FHIP1A: variants seen among roughly 807,000 people sequenced by gnomAD.
FHIP1A encodes the protein FHF complex subunit HOOK-interacting protein 1A.
In FHIP1A, 61 loss-of-function variants were observed where a neutral mutation model predicts 88.6. The observed-to-expected ratio is 0.69, with a 90% CI of 0.56 to 0.85. FHIP1A has a LOEUF of 0.85. Among genes scored for constraint, FHIP1A ranks in the 40% least tolerant of loss-of-function variants. The pLI is 0.00. For missense variants in FHIP1A, 1,154 were observed against 1,273.5 expected (o/e 0.91, Z 1.43); for synonymous variants, 478 against 496.0 (o/e 0.96, Z 0.48).
At chr4:151,651,784 A>G (rs1006424220) in intron 11 of FHIP1A, among the ~76,000 whole-genome samples, 9 of 152,320 alleles carry the variant, frequency 5.9e-5, no homozygotes, top group Non-Finnish European at 7.3e-5. Flanking sequence ...TTATTCATCT[A>G]TTTACTGATG....
intron 1 of FHIP1A, among the ~76,000 whole-genome samples, chr4:151,444,948 C>T (rs1247253844): frequency 2.0e-5 from 3 of 152,120 alleles, no homozygotes; most frequent in Non-Finnish European, 2.9e-5. Flanking sequence ...ACTACTTATC[C>T]TCCAATTTAA....
At chr4:151,491,008 A>C (rs1362533126) in intron 3 of FHIP1A, among the ~76,000 whole-genome samples, 36 of 151,976 alleles carry the variant, frequency 2.4e-4, no homozygotes, top group Admixed American at 2.4e-3. Flanking sequence ...TTAAATGACC[A>C]AACATAATAA....
chr4:151,569,774 A>G (rs1456483139), intron 4 of FHIP1A, among the ~76,000 whole-genome samples: 1 of 152,166 alleles, frequency 6.6e-6, no homozygotes, highest in East Asian at 1.9e-4. Context: ...AGAGGCAGCT[A>G]GTTATACAAC....
intron 11 of FHIP1A, among the ~76,000 whole-genome samples, chr4:151,654,580 G>A (rs554315822): frequency 6.6e-6 from 1 of 152,292 alleles, no homozygotes; most frequent in African/African-American, 2.4e-5. Flanking sequence ...GGACTGCGGG[G>A]GAGCAGGTGA....
At chr4:151,456,352 G>A (rs186210675) in intron 2 of FHIP1A, among the ~76,000 whole-genome samples, 2 of 152,178 alleles carry the variant, frequency 1.3e-5, no homozygotes, top group East Asian at 1.9e-4. Flanking sequence ...CAGGGCCAGC[G>A]GGTGGTGGAA....
intron 7 of FHIP1A, among the ~76,000 whole-genome samples, chr4:151,622,310 G>A (rs985823740): frequency 6.6e-6 from 1 of 152,162 alleles, no homozygotes; most frequent in African/African-American, 2.4e-5. Context: ...ATTACAGCAG[G>A]TGGAATCTCC....
chr4:151,415,194 TG>T (rs377236425), intron 1 of FHIP1A, among the ~76,000 whole-genome samples: 2 of 151,708 alleles, frequency 1.3e-5, no homozygotes, highest in African/African-American at 4.9e-5. Context: ...TTTTTTTTTT[TG>T]TTTTTTTTTG....
intron 7 of FHIP1A, among the ~76,000 whole-genome samples, chr4:151,617,614 G>A (rs775364131): frequency 6.6e-6 from 1 of 152,166 alleles, no homozygotes; most frequent in African/African-American, 2.4e-5. Context: ...GGCCAGGCGC[G>A]GTGGCTCATG....
At chr4:151,639,609 C>A (rs1736493449) in intron 9 of FHIP1A, among the ~76,000 whole-genome samples, 1 of 152,172 alleles carries the variant, frequency 6.6e-6, no homozygotes, top group South Asian at 2.1e-4. Flanking sequence ...AACCCAGATC[C>A]TGAATCTTGG....
intron 2 of FHIP1A, among the ~76,000 whole-genome samples, chr4:151,479,177 G>A (rs568656281): frequency 1.3e-5 from 2 of 152,212 alleles, no homozygotes; most frequent in Admixed American, 6.5e-5. Context: ...TTGAGGAATT[G>A]TGAGCTTAAT....
intron 11 of FHIP1A, among the ~76,000 whole-genome samples, chr4:151,653,382 C>A (rs1039254225): frequency 6.6e-6 from 1 of 151,974 alleles, no homozygotes; most frequent in Non-Finnish European, 1.5e-5. Context: ...CTCTCTCCCC[C>A]TCCCTCTCCC....
intron 7 of FHIP1A, among the ~76,000 whole-genome samples, chr4:151,625,347 C>A (rs985866669): frequency 1.3e-5 from 2 of 152,098 alleles, no homozygotes; most frequent in Non-Finnish European, 2.9e-5. Flanking sequence ...TGCCTGACCC[C>A]ACTGCCTGCC....
At chr4:151,646,974 C>T (rs936136546) in intron 10 of FHIP1A, among the ~76,000 whole-genome samples, 4 of 152,114 alleles carry the variant, frequency 2.6e-5, no homozygotes, top group African/African-American at 9.7e-5. Context: ...CTTTATTTTA[C>T]GTAGACTTTC....
intron 2 of FHIP1A, among the ~76,000 whole-genome samples, chr4:151,472,755 C>T (rs1729569367): frequency 6.6e-6 from 1 of 151,894 alleles, no homozygotes. Flanking sequence ...ATTCAAAAGG[C>T]AGAAATATAA....
intron 7 of FHIP1A, among the ~76,000 whole-genome samples, chr4:151,609,101 C>A (rs1311454750): frequency 6.6e-6 from 1 of 152,098 alleles, no homozygotes; most frequent in African/African-American, 2.4e-5. Context: ...GATTTCGATA[C>A]CATAAAACTT....
intron 6 of FHIP1A, 93 bp from the exon 7 acceptor site, chr4:151,588,747 T>C: frequency 1.2e-6 from 1 of 854,864 alleles, no homozygotes; most frequent in Non-Finnish European, 1.9e-6. Context: ...GTGGATTTCC[T>C]TTTTGAGTTC....
intron 1 of FHIP1A, chr4:151,436,418 G>C (rs1728200626): frequency 6.6e-6 from 1 of 152,142 alleles, no homozygotes; most frequent in Non-Finnish European, 1.5e-5. Flanking sequence ...TCGTGTTTCT[G>C]TCTGCATGTT....
chr4:151,559,351 A>T (rs1486244455), intron 3 of FHIP1A, among the ~76,000 whole-genome samples: 1 of 152,230 alleles, frequency 6.6e-6, no homozygotes. Context: ...TAAATATGGT[A>T]CAAAGTTCAA....
chr4:151,447,093 C>T (rs550842741), intron 1 of FHIP1A, among the ~76,000 whole-genome samples: 2 of 152,198 alleles, frequency 1.3e-5, no homozygotes, highest in East Asian at 1.9e-4. Context: ...GGTGATATTT[C>T]TATGGGTAAA....
Sources: allele counts gnomAD v4.1 joint callset (sites outside exome capture counted in the v4.1 genomes callset), GRCh38; gene constraint gnomAD v4.1.1; transcripts MANE v1.5; gene names NCBI Gene and HGNC (gene_info 2026-07-23, HGNC 2026-07-21).